Variants in ZNF490 observed in about 807,000 individuals in gnomAD.
ZNF490 encodes zinc finger protein 490.
In ZNF490, 11 loss-of-function variants were observed where a neutral mutation model predicts 17.7. The observed-to-expected ratio is 0.62, with a 90% CI of 0.39 to 1.03. The LOEUF is 1.03. ZNF490 is among the 50% of genes least tolerant of loss of function. ZNF490 has a pLI of 0.00. For missense variants in ZNF490, 542 were observed against 643.4 expected (o/e 0.84, Z 1.71); for synonymous variants, 222 against 216.1 (o/e 1.03, Z -0.24).
At chr19:12,609,088 G>T (rs2023109135) in intron 2 of ZNF490, 70 bp downstream of exon 2, 1 of 1,510,568 alleles carries the variant, frequency 6.6e-7, no homozygotes, top group Non-Finnish European at 9.2e-7. Flanking sequence ...AGAGGTCATA[G>T]AAGGACAGAC....
At chr19:12,602,758 G>A (rs1375913134) in intron 2 of ZNF490, among the ~76,000 whole-genome samples, 1 of 151,746 alleles carries the variant, frequency 6.6e-6, no homozygotes, top group African/African-American at 2.4e-5. Context: ...CCGAGAAGCT[G>A]GGCCTACAGG....
In ZNF490 at chr19:12,581,174, T is replaced by G. The variant is rs760269477; in HGVS notation, c.901A>C (p.Thr301Pro). The G allele has an allele frequency of 6.2e-7, 1 of 1,610,506 alleles. No homozygotes were observed. The highest frequency in any genetic ancestry group is 2.2e-5 in the East Asian group (1 of 44,880). ...QPFLTHERTH[T>P]GEKPYECKQC... is the part of the protein sequence containing the mutation. ...TTACATTCATAAGGTTTCTCTCCAG[T>G]GTGAGTCCTTTCGTGGGTTAGAAAA... Residue 301 changes from threonine to proline, a missense_variant, in exon 5 of 5, where the codon ACT (threonine) becomes CCT (proline). Transcript: ENST00000311437.
At position 12,581,539 on chromosome 19, in the gene ZNF490, G is replaced by T; in HGVS notation, c.536C>A (p.Thr179Asn). Residue 179 changes from threonine to asparagine, a missense_variant, in exon 5 of 5, where the codon ACT (threonine) becomes AAT (asparagine). Physicochemically the swap from Thr to Asn is moderately conservative, Grantham distance 65. Transcript: ENST00000311437. Reference protein sequence around the residue: ...VSLNRHMRSHTEQKPNECHEY... With the variant: ...VSLNRHMRSHNEQKPNECHEY... ...GTGACACTCATTTGGTTTCTGTTCAGTGTGAGATCTCATGTGCCTATTAAG... is the reference window on the plus strand; with the variant it reads ...GTGACACTCATTTGGTTTCTGTTCATTGTGAGATCTCATGTGCCTATTAAG... 6.2e-7 allele frequency: 1 copy of T among 1,614,114 alleles called. No homozygotes were observed. The highest frequency in any genetic ancestry group is 8.5e-7 in the Non-Finnish European group (1 of 1,180,024).
At chr19:12,599,038 G>C (rs1296960429) in intron 2 of ZNF490, among the ~76,000 whole-genome samples, 3 of 143,744 alleles carry the variant, frequency 2.1e-5, no homozygotes, top group East Asian at 4.1e-4. Flanking sequence ...TGTGATCCCA[G>C]CTATTCTGGA....
chr19:12,587,212 C>A (rs562472126), intron 2 of ZNF490, among the ~76,000 whole-genome samples: 2 of 83,962 alleles, frequency 2.4e-5, no homozygotes, highest in East Asian at 4.3e-4. Context: ...TGACAGATGA[C>A]TATAACCTCA....
intron 2 of ZNF490, among the ~76,000 whole-genome samples, chr19:12,587,927 T>C (rs2022820680): frequency 2.1e-5 from 2 of 94,208 alleles, no homozygotes; most frequent in Admixed American, 9.9e-5. Context: ...TGGAGTGCGA[T>C]GGCGCAATCT....
chr19:12,583,783 C>A (rs1340081023), intron 2 of ZNF490, among the ~76,000 whole-genome samples: 1,347 of 88,384 alleles, frequency 0.015, 14 homozygotes, highest in Non-Finnish European at 0.022. Context: ...CTCTCTCTCT[C>A]TCTCTCTCTA....
Position 12,580,976 on chromosome 19 carries a change from A to T in ZNF490, c.1099T>A (p.Cys367Ser). Residue 367 changes from cysteine (C) to serine (S), a missense_variant, in exon 5 of 5, where the codon TGT becomes AGT. Transcript: ENST00000311437. ...TGVQPYTCKKCGEAFKSSSSC... is the reference protein window; with the variant it reads ...TGVQPYTCKKSGEAFKSSSSC... ...CTAGATGACTTGAAGGCTTCCCCAC[A>T]TTTCTTACATGTATAAGGTTGAACT... 6.2e-7 allele frequency: 1 copy of T among 1,614,120 alleles called. No homozygotes were observed. The highest frequency in any genetic ancestry group is 8.5e-7 in the Non-Finnish European group (1 of 1,180,028).
intron 2 of ZNF490, among the ~76,000 whole-genome samples, chr19:12,602,079 T>TATACACACACAC (rs778812676): frequency 2.9e-4 from 20 of 68,654 alleles, no homozygotes; most frequent in South Asian, 2.5e-3. Context: ...GTTCACTATA[T>TATACACACACAC]ACACACACAC....
At chr19:12,605,200 A>T (rs911575155) in intron 2 of ZNF490, among the ~76,000 whole-genome samples, 10 of 152,172 alleles carry the variant, frequency 6.6e-5, no homozygotes, top group Middle Eastern at 3.4e-3. Context: ...CCTTTGTAAG[A>T]CTAGGCACAG....
chr19:12,603,925 G>A (rs531237663), intron 2 of ZNF490, among the ~76,000 whole-genome samples: 3 of 152,030 alleles, frequency 2.0e-5, no homozygotes, highest in South Asian at 2.1e-4. Context: ...ATGTTAATGG[G>A]GTGATTTTTG....
intron 2 of ZNF490, among the ~76,000 whole-genome samples, chr19:12,604,696 C>T (rs996013609): frequency 2.8e-4 from 41 of 148,082 alleles, no homozygotes; most frequent in African/African-American, 9.3e-4. Flanking sequence ...TGGTGGTGGG[C>T]GCCTGTAATC....
Position 12,581,091 on chromosome 19 carries a change from A to G in ZNF490, c.984T>C (p.His328=). The G allele has an allele frequency of 1.2e-6, 2 of 1,614,042 alleles. No homozygotes were observed. Among genetic ancestry groups the G allele is most frequent in the South Asian group, 1.1e-5 (1 of 91,078 alleles). Residue 328 remains histidine (H), a synonymous_variant, in exon 5 of 5, where the codon CAT becomes CAC. Transcript: ENST00000311437. ...PTYLRSHEKT[H]TGEKPFVCRE... is the part of the protein sequence containing the mutation. ...TACATACAAAAGGTTTCTCTCCAGT[A>G]TGAGTTTTCTCATGACTCCGTAAGT...
chr19:12,579,121 C>CG lies in ZNF490; in HGVS notation c.*1363dup, dbSNP rs1568276697. ...ACAAAAAATGAGCCGGGCGTGGTGG[C>CG]GGGCGCCTGTAGTCCCAGCTACTCG... On this transcript the variant is annotated 3_prime_UTR_variant, in exon 5 of 5. Coordinates refer to ENST00000311437, the MANE Select transcript of ZNF490 (RefSeq NM_020714.3). The CG allele has an allele frequency of 5.3e-6, 1 of 187,008 alleles. No homozygotes were observed. Among genetic ancestry groups the CG allele is most frequent in the African/African-American group, 2.4e-5 (1 of 41,786 alleles). The allele number at this position is 187,008 out of a possible 1,614,324, so 11.6% of individuals were successfully genotyped here. A position where few individuals can be genotyped will look rare whatever the true frequency, so the allele number is the denominator to read the frequency against.
intron 2 of ZNF490, among the ~76,000 whole-genome samples, chr19:12,593,992 T>G (rs886090739): frequency 6.6e-6 from 1 of 152,042 alleles, no homozygotes. Flanking sequence ...AGCAGTTGAG[T>G]AGAGTCACAT....
At chr19:12,607,068 G>A (rs1227740180) in intron 2 of ZNF490, among the ~76,000 whole-genome samples, 2 of 152,074 alleles carry the variant, frequency 1.3e-5, no homozygotes, top group African/African-American at 2.4e-5. Flanking sequence ...TTGGCCAGGT[G>A]TGGTAGCTCA....
At chr19:12,609,418 T>G (rs913896797) in intron 1 of ZNF490, among the ~76,000 whole-genome samples, 1 of 151,938 alleles carries the variant, frequency 6.6e-6, no homozygotes, top group African/African-American at 2.4e-5. Context: ...TTAGAGACAG[T>G]CTCTCTCTCT....
At chr19:12,597,259 C>T in intron 2 of ZNF490, 1 of 449,776 alleles carries the variant, frequency 2.2e-6, no homozygotes, top group Non-Finnish European at 4.5e-6. Context: ...GAGGCTGGGA[C>T]GCAATCCTAG....
At chr19:12,604,832 A>AAAT (rs913419825) in intron 2 of ZNF490, among the ~76,000 whole-genome samples, 4 of 151,338 alleles carry the variant, frequency 2.6e-5, no homozygotes, top group East Asian at 3.9e-4. Flanking sequence ...CTCAAAAAAA[A>AAAT]AATAATAATA....
Sources: gnomAD v4.1 joint callset for allele counts (sites outside exome capture counted in the v4.1 genomes callset) on GRCh38, gnomAD v4.1.1 for gene constraint, MANE v1.5 for transcripts, NCBI Gene and HGNC (gene_info 2026-07-23, HGNC 2026-07-21) for gene names.